The following ADGRF1 variants were observed in gnomAD, a reference collection of about 807,000 sequenced individuals.
The protein encoded by ADGRF1 is adhesion G protein-coupled receptor F1, also known as G protein-coupled receptor 110.
In ADGRF1, 85 loss-of-function variants were observed where a neutral mutation model predicts 87.2. The ratio of observed to expected loss-of-function variants is 0.97; its 90% CI spans 0.82 to 1.17. The LOEUF is 1.17. Among genes scored for constraint, ADGRF1 ranks in the 50% most tolerant of loss-of-function variants. The pLI is 0.00. For missense variants in ADGRF1, 1,169 were observed against 1,077.2 expected (o/e 1.09, Z -1.19); for synonymous variants, 430 against 408.8 (o/e 1.05, Z -0.63).
chr6:47,025,807 T>C (rs1469166573), intron 4 of ADGRF1, 47 bp downstream of exon 4: 1 of 1,521,050 alleles, frequency 6.6e-7, no homozygotes, highest in Non-Finnish European at 8.9e-7. Flanking sequence ...CTGACTGATA[T>C]ACCCGCCTTC....
chr6:47,000,082 C>T lies in ADGRF1; in HGVS notation c.*140G>A. 1 of 623,462 alleles carries T rather than the reference C, an allele frequency of 1.6e-6. No homozygotes were observed. Among genetic ancestry groups the T allele is most frequent in the Non-Finnish European group, 2.9e-6 (1 of 344,996 alleles). 38.6% of individuals were successfully genotyped at this position (623,462 alleles called of 1,614,324 possible). On this transcript the variant is annotated 3_prime_UTR_variant, in exon 15 of 15. Coordinates refer to ENST00000371253, the MANE Select transcript of ADGRF1 (RefSeq NM_153840.4). ...AGACAAAAGGGAGCAGTAATGAAGC[C>T]ACTGAGACATTCTTGTTTTATTCCC...
At chr6:47,010,399 A>G in intron 10 of ADGRF1, 81 bp from the exon 11 acceptor site, 1 of 1,173,604 alleles carries the variant, frequency 8.5e-7, no homozygotes, top group Non-Finnish European at 1.2e-6. Context: ...ATTAGCATTA[A>G]GAATAGGAAA....
rs368788829 is a variant in ADGRF1 at position 47,031,331 on chromosome 6, TTC to T, written c.-43-2229_-43-2228del. The stretch of plus-strand genomic sequence containing the variant: ...CTGTCTCTCTGTCTCTCTCTCTCTC[TTC>T]TCTCTCTCTCTCTCTCTGTCTCTCT... On this transcript the variant is annotated intron_variant, in intron 1 of 14. Coordinates refer to ENST00000371253, the MANE Select transcript of ADGRF1 (RefSeq NM_153840.4). Among the ~76,000 whole-genome samples, 210 of 127,816 alleles carry T rather than the reference TTC, an allele frequency of 1.6e-3. 2 individuals are homozygous for T. The highest frequency in any genetic ancestry group is 3.0e-3 in the African/African-American group (104 of 34,110). The allele number at this position is 127,816 out of a possible 152,430, so 83.9% of individuals were successfully genotyped here. A position where few individuals can be genotyped will look rare whatever the true frequency, so the allele number is the denominator to read the frequency against.
In ADGRF1 at chr6:47,004,972, T is replaced by C. The variant is rs368176935; in HGVS notation, c.2592+845A>G. 8.4e-4 allele frequency among the ~76,000 whole-genome samples: 128 copies of C among 152,288 alleles called. 5 individuals carry two copies. In the South Asian group the frequency reaches 0.024, roughly 28 times the overall value. Reference sequence around the variant, plus strand: ...ATGCAGACCAAGGAAGACTTTTTAATGCCAGAGGAAAATTTCCTTATTGAT... The same window carrying C: ...ATGCAGACCAAGGAAGACTTTTTAACGCCAGAGGAAAATTTCCTTATTGAT... On this transcript the variant is annotated intron_variant, in intron 13 of 14. Transcript: ENST00000371253.
chr6:47,029,097 G>T lies in ADGRF1; in HGVS notation c.-36C>A. ...CTGAACAGCAGCAGTCGGGTGCATA[G>T]TCTGTGACTAAACAAGCAGGGTACC... On this transcript the variant is annotated 5_prime_UTR_variant, in exon 2 of 15. Transcript: ENST00000371253. The T allele has an allele frequency of 1.3e-6, 2 of 1,554,096 alleles. No homozygotes were observed. Among genetic ancestry groups the T allele is most frequent in the South Asian group, 1.1e-5 (1 of 89,806 alleles).
rs760333281 is a variant in ADGRF1, at chr6:47,009,761, G to C, written c.1674C>G (p.Ile558Met). The change falls in exon 11 of 15, where the codon ATC (isoleucine) becomes ATG (methionine). Residue 558 changes from isoleucine to methionine, a missense_variant. Ile to Met is a conservative substitution (Grantham distance 10). Transcript: ENST00000371253. ...GCHLVNETQD[I>M]VTCQCTHLTS... ...TCAAGTGAGTACATTGGCACGTCAC[G>C]ATGTCTTGAGTTTCATTCACTAGGT... 7 of 1,614,050 alleles carry C rather than the reference G, an allele frequency of 4.3e-6. No homozygotes were observed. The Admixed American group carries it at 8.3e-5, about 19-fold the overall frequency.
chr6:47,022,172 A>C (rs1447065111), intron 5 of ADGRF1, 114 bp from the exon 6 acceptor site: 6 of 619,496 alleles, frequency 9.7e-6, no homozygotes, highest in Non-Finnish European at 1.7e-5. Context: ...TGATGTTTCA[A>C]ATTTTTTTCA....
intron 8 of ADGRF1, 37 bp from the exon 9 acceptor site, chr6:47,014,881 T>G: frequency 6.4e-7 from 1 of 1,562,788 alleles, no homozygotes; most frequent in Non-Finnish European, 8.7e-7. Flanking sequence ...AAAATGATCC[T>G]AGAATATCCT....
chr6:47,008,831 T>C lies in ADGRF1; in HGVS notation c.2490+114A>G, dbSNP rs1329285335. The C allele has an allele frequency of 9.3e-6, 8 of 858,178 alleles. No homozygotes were observed. In the Admixed American group the frequency reaches 1.3e-4, roughly 14 times the overall value. The allele number at this position is 858,178 out of a possible 1,614,324, so 53.2% of individuals were successfully genotyped here. A position where few individuals can be genotyped will look rare whatever the true frequency, so the allele number is the denominator to read the frequency against. On this transcript the variant is annotated intron_variant, in intron 11 of 14. Coordinates refer to ENST00000371253, the MANE Select transcript of ADGRF1 (RefSeq NM_153840.4). Reference sequence around the variant, plus strand: ...TATTGTTTCCATGCAGTTTTTCTGATGGTCTTGCTGGAGGCAGGGAGATGA... The same window carrying C: ...TATTGTTTCCATGCAGTTTTTCTGACGGTCTTGCTGGAGGCAGGGAGATGA...
At chr6:47,033,281 G>A (rs1343023422) in intron 1 of ADGRF1, among the ~76,000 whole-genome samples, 8 of 152,214 alleles carry the variant, frequency 5.3e-5, no homozygotes, top group Non-Finnish European at 4.4e-5. Context: ...CTGTCCTTCA[G>A]TTTACAGGGA....
chr6:47,031,941 G>A (rs1489038483), intron 1 of ADGRF1, among the ~76,000 whole-genome samples: 1 of 151,860 alleles, frequency 6.6e-6, no homozygotes. Context: ...AAACTCCTGG[G>A]CTTAAGCAAT....
chr6:47,040,100 CAT>C (rs1167584397), intron 1 of ADGRF1, among the ~76,000 whole-genome samples: 1 of 152,178 alleles, frequency 6.6e-6, no homozygotes, highest in African/African-American at 2.4e-5. Context: ...AATCCCAAGA[CAT>C]ATGTATTTGG....
In ADGRF1 at chr6:47,010,256, T is replaced by C. The variant is rs1333053689; in HGVS notation, c.1179A>G (p.Leu393=). ...AGCTGGCATACTTTTCTTCCCGCAGTAAGACTGTCCAGTTGGTTACTGAGG... is the reference window on the plus strand; with the variant it reads ...AGCTGGCATACTTTTCTTCCCGCAGCAAGACTGTCCAGTTGGTTACTGAGG... ...NSASVTNWTV[L]LREEKYASSR... The change falls in exon 11 of 15, where the codon TTA becomes TTG. Residue 393 remains leucine, a synonymous_variant. Coordinates refer to ENST00000371253, the MANE Select transcript of ADGRF1 (RefSeq NM_153840.4). 6.2e-7 allele frequency: 1 copy of C among 1,613,960 alleles called. No homozygotes were observed. The highest frequency in any genetic ancestry group is 8.5e-7 in the Non-Finnish European group (1 of 1,179,952).
At position 47,018,880 on chromosome 6, in the gene ADGRF1, G is replaced by T. The variant is rs74666178; in HGVS notation, c.611+1851C>A. 7.1e-4 allele frequency: 162 copies of T among 229,156 alleles called. 2 individuals are homozygous for T. In the East Asian group the frequency reaches 9.8e-3, roughly 14 times the overall value. 14.2% of individuals were successfully genotyped at this position (229,156 alleles called of 1,614,324 possible). A position where few individuals can be genotyped will look rare whatever the true frequency, so the allele number is the denominator to read the frequency against. ...AGGCCAAGGTAGGAAGATCACTAGA[G>T]CCCAGGAGTTTAAGACCAGCCTGAG... is the stretch of plus-strand genomic sequence containing the variant. On this transcript the variant is annotated intron_variant, in intron 7 of 14. Transcript: ENST00000371253.
intron 8 of ADGRF1, 116 bp from the exon 9 acceptor site, chr6:47,014,960 G>T (rs1295417127): frequency 9.7e-6 from 13 of 1,344,162 alleles, no homozygotes; most frequent in Non-Finnish European, 1.3e-5. Flanking sequence ...TGAAATCCAG[G>T]CAAAATTCAG....
chr6:47,031,367 C>CTG (rs1416551207), intron 1 of ADGRF1, among the ~76,000 whole-genome samples: 2 of 149,632 alleles, frequency 1.3e-5, no homozygotes, highest in Non-Finnish European at 3.0e-5. Flanking sequence ...CTCTCTCTCT[C>CTG]TCTCTCTCTC....
At chr6:47,002,581 A>G (rs1779391164) in intron 13 of ADGRF1, among the ~76,000 whole-genome samples, 1 of 152,186 alleles carries the variant, frequency 6.6e-6, no homozygotes, top group African/African-American at 2.4e-5. Flanking sequence ...AACATACTCA[A>G]TATACTTCCT....
intron 6 of ADGRF1, 97 bp downstream of exon 6, chr6:47,021,861 T>C (rs1364487165): frequency 1.5e-6 from 1 of 679,792 alleles, no homozygotes; most frequent in African/African-American, 1.9e-5. Flanking sequence ...TGAAAACGAA[T>C]AATTAAGAAT....
intron 8 of ADGRF1, among the ~76,000 whole-genome samples, chr6:47,015,299 G>GCATA (rs1429758650): frequency 6.6e-6 from 1 of 152,188 alleles, no homozygotes; most frequent in Non-Finnish European, 1.5e-5. Context: ...ACCTCTTTAA[G>GCATA]CATAGCTCAC....
Sources: gnomAD v4.1 joint callset for allele counts (sites outside exome capture counted in the v4.1 genomes callset) on GRCh38, gnomAD v4.1.1 for gene constraint, MANE v1.5 for transcripts, NCBI Gene and HGNC (gene_info 2026-07-23, HGNC 2026-07-21) for gene names.